CSMD1: variants seen among roughly 807,000 people sequenced by gnomAD.
The protein encoded by CSMD1 is CUB and sushi domain-containing protein 1.
A neutral mutation model predicts 417.5 loss-of-function variants in CSMD1; 213 were observed. That is an observed-to-expected ratio of 0.51 (90% CI 0.46 to 0.57). The LOEUF is 0.57. CSMD1 is among the 20% of genes least tolerant of loss of function. The probability of loss-of-function intolerance (pLI) is 0.00; values close to 1 mark genes in which losing one functional copy is unlikely to be tolerated. For synonymous variants in CSMD1, 2,862 were observed against 1,736.8 expected, an observed-to-expected ratio of 1.65 and a Z score of -16.11; for missense variants, 6,923 against 4,529.7, an observed-to-expected ratio of 1.53 and a Z score of -15.17.
intron 5 of CSMD1, among the ~76,000 whole-genome samples, chr8:3,938,450 T>G (rs896569810): frequency 3.3e-5 from 5 of 152,304 alleles, no homozygotes; most frequent in Admixed American, 6.5e-5. Flanking sequence ...CTTTGTGCAG[T>G]GGATCTGTGG....
At chr8:4,059,356 G>C (rs537435105) in intron 3 of CSMD1, among the ~76,000 whole-genome samples, 3 of 152,062 alleles carry the variant, frequency 2.0e-5, no homozygotes, top group Non-Finnish European at 4.4e-5. Flanking sequence ...ATCCAAAATG[G>C]ACACCCTAAC....
intron 1 of CSMD1, among the ~76,000 whole-genome samples, chr8:4,786,606 G>A (rs139435986): frequency 2.6e-5 from 4 of 152,172 alleles, no homozygotes; most frequent in Admixed American, 6.5e-5. Flanking sequence ...ATCAACATTC[G>A]TAAGATGATG....
intron 25 of CSMD1, among the ~76,000 whole-genome samples, chr8:3,289,807 C>A (rs62503424): frequency 6.8e-6 from 1 of 146,998 alleles, no homozygotes; most frequent in East Asian, 2.0e-4. Flanking sequence ...GTTTCTTTTG[C>A]TGTGCAGAAG....
intron 3 of CSMD1, among the ~76,000 whole-genome samples, chr8:4,089,233 G>C (rs1028758888): frequency 6.6e-6 from 1 of 152,164 alleles, no homozygotes; most frequent in African/African-American, 2.4e-5. Context: ...ATAAGGACAT[G>C]GGTCATGTCC....
Position 2,998,006 on chromosome 8 carries a change from C to A in CSMD1, c.8377+5G>T, listed in dbSNP as rs1382469793. 2 of 1,612,286 alleles carry A rather than the reference C, an allele frequency of 1.2e-6. No individual in the cohort carries two copies. Among genetic ancestry groups the A allele is most frequent in the African/African-American group, 2.7e-5 (2 of 74,918 alleles). On this transcript the variant is annotated splice_donor_5th_base_variant and intron_variant, in intron 54 of 69. Transcript: ENST00000635120. ...AAAGGGCTCATTCCTGGATGCTGTT[C>A]CTACCTCGACACGTGGGCAGAGGGC...
intron 68 of CSMD1, among the ~76,000 whole-genome samples, chr8:2,948,488 T>C (rs995772243): frequency 6.6e-5 from 10 of 152,148 alleles, no homozygotes; most frequent in Admixed American, 5.9e-4. Flanking sequence ...TAGAATAAGC[T>C]TTTTCTCATT....
chr8:3,123,453 G>C (rs762740537), intron 41 of CSMD1, among the ~76,000 whole-genome samples: 3 of 152,146 alleles, frequency 2.0e-5, no homozygotes, highest in Non-Finnish European at 4.4e-5. Flanking sequence ...ATTCCACACT[G>C]AGTTTCAACT....
At chr8:3,164,493 A>G (rs921093999) in intron 37 of CSMD1, among the ~76,000 whole-genome samples, 6 of 152,216 alleles carry the variant, frequency 3.9e-5, no homozygotes, top group Admixed American at 2.6e-4. Context: ...TAAGTCTAAA[A>G]TCTTTTGTTT....
chr8:4,373,029 G>A (rs1435378907), intron 3 of CSMD1, among the ~76,000 whole-genome samples: 1 of 152,166 alleles, frequency 6.6e-6, no homozygotes, highest in African/African-American at 2.4e-5. Context: ...TGATGATTCG[G>A]GCTCACAGTG....
At chr8:4,869,858 A>G (rs1288248664) in intron 1 of CSMD1, among the ~76,000 whole-genome samples, 1 of 151,652 alleles carries the variant, frequency 6.6e-6, no homozygotes, top group East Asian at 1.9e-4. Flanking sequence ...TCTCTTTTTT[A>G]TATTCTCTTT....
At chr8:4,879,500 T>C (rs983929940) in intron 1 of CSMD1, among the ~76,000 whole-genome samples, 1 of 152,126 alleles carries the variant, frequency 6.6e-6, no homozygotes, top group African/African-American at 2.4e-5. Flanking sequence ...TTATAACATC[T>C]GCTGTTTATA....
chr8:4,339,950 A>C (rs1005834610), intron 3 of CSMD1, among the ~76,000 whole-genome samples: 13 of 152,064 alleles, frequency 8.5e-5, no homozygotes, highest in African/African-American at 2.4e-5. Flanking sequence ...ACTTGAGTTC[A>C]TAAGTTGGAG....
chr8:3,812,518 TG>T (rs1185493152), intron 5 of CSMD1, among the ~76,000 whole-genome samples: 1 of 152,182 alleles, frequency 6.6e-6, no homozygotes, highest in Admixed American at 6.5e-5. Context: ...AAACAGTTTG[TG>T]GGGAAGAGTT....
intron 3 of CSMD1, among the ~76,000 whole-genome samples, chr8:4,186,927 C>A (rs997992008): frequency 1.3e-5 from 2 of 151,982 alleles, no homozygotes; most frequent in African/African-American, 2.4e-5. Flanking sequence ...ACCCACGAGG[C>A]AGAGATTGCA....
At chr8:3,959,987 T>G (rs886709121) in intron 5 of CSMD1, among the ~76,000 whole-genome samples, 3 of 152,208 alleles carry the variant, frequency 2.0e-5, no homozygotes, top group African/African-American at 7.2e-5. Flanking sequence ...AAGAGTGTGT[T>G]AATCACAGTA....
At chr8:3,958,011 G>C (rs373110806) in intron 5 of CSMD1, among the ~76,000 whole-genome samples, 68 of 152,260 alleles carry the variant, frequency 4.5e-4, no homozygotes, top group African/African-American at 1.5e-3. Flanking sequence ...GATTAAACCA[G>C]AGAAGACAAC....
At chr8:4,701,316 G>GTT (rs1807528148) in intron 1 of CSMD1, among the ~76,000 whole-genome samples, 1 of 84,968 alleles carries the variant, frequency 1.2e-5, no homozygotes, top group Non-Finnish European at 2.1e-5. Context: ...TTCCTTTGAT[G>GTT]CTTTTTTTTT....
intron 3 of CSMD1, among the ~76,000 whole-genome samples, chr8:4,207,371 T>C (rs1235577069): frequency 6.6e-6 from 1 of 152,156 alleles, no homozygotes; most frequent in East Asian, 1.9e-4. Context: ...ATAGTTTAGA[T>C]AAATTCACAC....
intron 2 of CSMD1, among the ~76,000 whole-genome samples, chr8:4,574,775 A>G (rs1799059672): frequency 6.6e-6 from 1 of 152,232 alleles, no homozygotes; most frequent in Non-Finnish European, 1.5e-5. Context: ...AATGAAAGCA[A>G]CACTCATAGT....
Sources: allele counts gnomAD v4.1 joint callset (sites outside exome capture counted in the v4.1 genomes callset), GRCh38; gene constraint gnomAD v4.1.1; transcripts MANE v1.5; gene names NCBI Gene and HGNC (gene_info 2026-07-23, HGNC 2026-07-21).